Variants in C16orf74 observed in about 807,000 individuals in gnomAD.
C16orf74 encodes calcimembrin, also known as uncharacterized protein C16orf74.
C16orf74 carries 10 observed loss-of-function variants against 6.5 expected under a neutral mutation model. That is an observed-to-expected ratio of 1.54 (90% CI 0.95 to 2.61). The LOEUF (loss-of-function observed/expected upper bound fraction) is 2.61. Among genes scored for constraint, C16orf74 ranks in the 30% most tolerant of loss-of-function variants. C16orf74 has a pLI of 0.00. For missense variants in C16orf74, 141 were observed against 105.9 expected, an observed-to-expected ratio of 1.33 and a Z score of -1.45; for synonymous variants, 60 against 42.5, an observed-to-expected ratio of 1.41 and a Z score of -1.60.
At chr16:85,744,659 T>C (rs1200350582) in intron 1 of C16orf74, among the ~76,000 whole-genome samples, 4 of 151,618 alleles carry the variant, frequency 2.6e-5, no homozygotes, top group East Asian at 3.9e-4. Context: ...TGAAACCCTG[T>C]CTCTACTAAA....
chr16:85,729,366 A>G (rs1421968187), intron 2 of C16orf74, among the ~76,000 whole-genome samples: 1 of 152,176 alleles, frequency 6.6e-6, no homozygotes, highest in Non-Finnish European at 1.5e-5. Context: ...CAGGCCCTTG[A>G]GCAGAGGGAC....
intron 1 of C16orf74, among the ~76,000 whole-genome samples, chr16:85,745,082 G>A (rs1430997729): frequency 7.0e-6 from 1 of 143,600 alleles, no homozygotes; most frequent in African/African-American, 2.6e-5. Context: ...TGCAGGTTGT[G>A]GAGAGCTGAG....
At chr16:85,719,607 C>T (rs531250042) in intron 2 of C16orf74, among the ~76,000 whole-genome samples, 1 of 152,212 alleles carries the variant, frequency 6.6e-6, no homozygotes, top group South Asian at 2.1e-4. Flanking sequence ...TTTCCAAGAT[C>T]CTGGGTCAGT....
At chr16:85,722,368 G>T (rs9308354) in intron 2 of C16orf74, among the ~76,000 whole-genome samples, 1 of 152,176 alleles carries the variant, frequency 6.6e-6, no homozygotes, top group Non-Finnish European at 1.5e-5. Context: ...CTACTTGAGC[G>T]AACTGGGAGT....
At chr16:85,733,712 C>G (rs59969227) in intron 2 of C16orf74, among the ~76,000 whole-genome samples, 28,199 of 152,132 alleles carry the variant, frequency 0.19, 3,237 homozygotes, top group Middle Eastern at 0.33. Context: ...CAGCCACTCA[C>G]AGATACTCAT....
chr16:85,747,939 T>A (rs902721975), intron 1 of C16orf74, among the ~76,000 whole-genome samples: 1 of 151,044 alleles, frequency 6.6e-6, no homozygotes, highest in African/African-American at 2.4e-5. Context: ...TACAAAAAAA[T>A]TAGCCAGGTG....
At chr16:85,721,324 C>A (rs371218) in intron 2 of C16orf74, among the ~76,000 whole-genome samples, 2,799 of 151,474 alleles carry the variant, frequency 0.018, 77 homozygotes, top group African/African-American at 0.065. Flanking sequence ...TCATTCTCTG[C>A]GGTGGGGCTG....
chr16:85,739,976 G>A (rs2054285187), intron 1 of C16orf74, among the ~76,000 whole-genome samples: 4 of 151,808 alleles, frequency 2.6e-5, no homozygotes, highest in Admixed American at 6.6e-5. Context: ...TAGGGAGGCC[G>A]AGGCGGGTGG....
At chr16:85,730,891 C>A (rs1322350475) in intron 2 of C16orf74, among the ~76,000 whole-genome samples, 2 of 148,918 alleles carry the variant, frequency 1.3e-5, no homozygotes, top group Non-Finnish European at 3.0e-5. Flanking sequence ...AACTGAACCC[C>A]CCCAGATCAG....
chr16:85,737,647 T>G lies in C16orf74; in HGVS notation c.-18-2412A>C, dbSNP rs373034460. Among the ~76,000 whole-genome samples the G allele has an allele frequency of 7.2e-5, 11 of 152,238 alleles. No homozygotes were observed. In the East Asian group the frequency reaches 9.7e-4, roughly 13 times the overall value. On this transcript the variant is annotated intron_variant, in intron 1 of 3. Transcript: ENST00000284245. ...GAGTTCGAGAGCAGCCTGGCCAACATGGTGAAACCCCATCGCTACTAAAAA... is the reference window on the plus strand; with the variant it reads ...GAGTTCGAGAGCAGCCTGGCCAACAGGGTGAAACCCCATCGCTACTAAAAA...
intron 2 of C16orf74, among the ~76,000 whole-genome samples, chr16:85,723,329 G>GA (rs2152060864): frequency 6.6e-6 from 1 of 150,644 alleles, no homozygotes; most frequent in South Asian, 2.1e-4. Context: ...TTGGGAGGCC[G>GA]AGGAAGGAGG....
At chr16:85,718,927 G>A (rs1212296466) in intron 2 of C16orf74, among the ~76,000 whole-genome samples, 3 of 152,342 alleles carry the variant, frequency 2.0e-5, no homozygotes, top group East Asian at 1.9e-4. Context: ...GCCCCCTTGC[G>A]GTCACGCAGC....
At chr16:85,719,668 C>A (rs991786304) in intron 2 of C16orf74, among the ~76,000 whole-genome samples, 9 of 152,080 alleles carry the variant, frequency 5.9e-5, no homozygotes, top group Non-Finnish European at 1.5e-5. Context: ...TACCAAGAAG[C>A]AGGGTTTAGG....
At chr16:85,727,249 T>C (rs1336404825) in intron 2 of C16orf74, among the ~76,000 whole-genome samples, 1 of 152,088 alleles carries the variant, frequency 6.6e-6, no homozygotes, top group African/African-American at 2.4e-5. Flanking sequence ...GGGTTTTGGG[T>C]TGACCAGGGG....
rs188929137 is a variant in C16orf74, at chr16:85,719,411, G to A, written c.29-9104C>T. On this transcript the variant is annotated intron_variant, in intron 2 of 3. Transcript: ENST00000284245. Reference sequence around the variant, plus strand: ...CAAGCTATCACTGGGAGGGGCCCACGATGCTGAGCTTTGAGAACAGTGCTT... The same window carrying A: ...CAAGCTATCACTGGGAGGGGCCCACAATGCTGAGCTTTGAGAACAGTGCTT... Among the ~76,000 whole-genome samples the A allele has an allele frequency of 3.4e-3, 524 of 152,252 alleles. 5 individuals carry two copies. Among genetic ancestry groups the A allele is most frequent in the African/African-American group, 0.012 (490 of 41,534 alleles).
intron 1 of C16orf74, among the ~76,000 whole-genome samples, chr16:85,743,845 A>C (rs2054338448): frequency 6.6e-6 from 1 of 152,088 alleles, no homozygotes. Context: ...CGAGATCAGG[A>C]GATCGAGACA....
At position 85,707,719 on chromosome 16, in the gene C16orf74, G is replaced by C; in HGVS notation, c.*289C>G. ...TTTGTCCAGAAGAGAGCCTCTCCCT[G>C]GGACCCCAACAGCCAGGACCATGGC... On this transcript the variant is annotated 3_prime_UTR_variant, in exon 4 of 4. Coordinates refer to ENST00000284245, the MANE Select transcript of C16orf74 (RefSeq NM_206967.3). The C allele has an allele frequency of 4.5e-6, 2 of 448,100 alleles. No individual in the cohort carries two copies. Among genetic ancestry groups the C allele is most frequent in the Non-Finnish European group, 8.0e-6 (2 of 250,118 alleles). 27.8% of individuals were successfully genotyped at this position (448,100 alleles called of 1,614,324 possible).
intron 2 of C16orf74, among the ~76,000 whole-genome samples, chr16:85,711,623 C>CAA (rs57336507): frequency 3.2e-4 from 36 of 111,034 alleles, no homozygotes; most frequent in African/African-American, 1.0e-3. Flanking sequence ...AACTCTGTCT[C>CAA]AAAAAAAAAA....
intron 2 of C16orf74, among the ~76,000 whole-genome samples, chr16:85,716,619 G>A (rs955263624): frequency 1.3e-5 from 2 of 149,220 alleles, no homozygotes; most frequent in African/African-American, 5.0e-5. Context: ...GGCAGGAAGA[G>A]GAAGAGAGGA....
Sources: allele counts gnomAD v4.1 joint callset (sites outside exome capture counted in the v4.1 genomes callset), GRCh38; gene constraint gnomAD v4.1.1; transcripts MANE v1.5; gene names NCBI Gene and HGNC (gene_info 2026-07-23, HGNC 2026-07-21).